MAD1L1: variants seen among roughly 807,000 people sequenced by gnomAD.
The protein encoded by MAD1L1 is mitotic arrest deficient 1 like 1, also known as mitotic spindle assembly checkpoint protein MAD1.
Under a neutral mutation model 96.9 loss-of-function variants are expected in MAD1L1, and 95 were observed. The ratio of observed to expected loss-of-function variants is 0.98; its 90% confidence interval spans 0.83 to 1.16. The LOEUF is 1.16. Ranked by LOEUF, MAD1L1 falls within the 50% of genes most tolerant of loss-of-function variation. The pLI is 0.00. For synonymous variants in MAD1L1, 473 were observed against 396.6 expected (o/e 1.19, Z -2.29); for missense variants, 1,007 against 954.4 (o/e 1.06, Z -0.73).
chr7:1,998,882 C>T (rs111997751), intron 14 of MAD1L1, among the ~76,000 whole-genome samples: 1,807 of 150,760 alleles, frequency 0.012, 23 homozygotes, highest in Non-Finnish European at 0.017. Context: ...CCACAGAGTC[C>T]CCTAACCCCA....
At chr7:2,169,374 T>C (rs1562750345) in intron 10 of MAD1L1, among the ~76,000 whole-genome samples, 2 of 152,038 alleles carry the variant, frequency 1.3e-5, no homozygotes, top group Non-Finnish European at 2.9e-5. Flanking sequence ...TGCAATAAAA[T>C]TAAGAAAAAA....
At chr7:2,097,927 T>G (rs1722649476) in intron 11 of MAD1L1, among the ~76,000 whole-genome samples, 1 of 152,206 alleles carries the variant, frequency 6.6e-6, no homozygotes, top group Non-Finnish European at 1.5e-5. Context: ...TGCTGTAGGC[T>G]TCTGCACTCA....
intron 12 of MAD1L1, among the ~76,000 whole-genome samples, chr7:2,059,435 G>C (rs1784536123): frequency 6.7e-6 from 1 of 149,234 alleles, no homozygotes; most frequent in Admixed American, 6.7e-5. Flanking sequence ...CGGGGTTGGA[G>C]AGGCAGCGTG....
chr7:2,076,178 G>A (rs1428478717), intron 11 of MAD1L1, among the ~76,000 whole-genome samples: 1 of 152,208 alleles, frequency 6.6e-6, no homozygotes, highest in Admixed American at 6.5e-5. Flanking sequence ...AGCCACGCCC[G>A]GGCCCAGGGC....
chr7:1,827,430 CGTCGCGGGTGTGGG>C (rs1782456839), intron 18 of MAD1L1, among the ~76,000 whole-genome samples: 6 of 138,194 alleles, frequency 4.3e-5, no homozygotes, highest in Admixed American at 2.2e-4. Flanking sequence ...CTCCTGAGCC[CGTCGCGGGTGTGGG>C]GTCCTCCCCT....
At chr7:2,147,097 C>G (rs1215466530) in intron 11 of MAD1L1, among the ~76,000 whole-genome samples, 1 of 152,220 alleles carries the variant, frequency 6.6e-6, no homozygotes, top group Non-Finnish European at 1.5e-5. Flanking sequence ...AGCACTGAGA[C>G]CCGGGGACGG....
intron 18 of MAD1L1, among the ~76,000 whole-genome samples, chr7:1,895,206 G>A (rs1786789771): frequency 6.6e-6 from 1 of 152,218 alleles, no homozygotes; most frequent in African/African-American, 2.4e-5. Flanking sequence ...GCTTCTTCCT[G>A]CGGGGACTTC....
chr7:2,136,941 T>C (rs1330553331), intron 11 of MAD1L1, among the ~76,000 whole-genome samples: 1 of 152,116 alleles, frequency 6.6e-6, no homozygotes, highest in Non-Finnish European at 1.5e-5. Flanking sequence ...AAGAAAAGCG[T>C]TCATAAGAGG....
intron 18 of MAD1L1, among the ~76,000 whole-genome samples, chr7:1,819,140 A>G (rs907334729): frequency 2.0e-5 from 3 of 152,142 alleles, no homozygotes; most frequent in African/African-American, 7.2e-5. Context: ...CCATGTTCAA[A>G]TATCACACAG....
chr7:1,978,799 G>A (rs977677077), intron 15 of MAD1L1, among the ~76,000 whole-genome samples: 27 of 152,228 alleles, frequency 1.8e-4, no homozygotes, highest in African/African-American at 5.5e-4. Flanking sequence ...GACGGAGAGC[G>A]CGTCGGGGCC....
intron 18 of MAD1L1, among the ~76,000 whole-genome samples, chr7:1,824,232 G>GC (rs977438888): frequency 1.6e-4 from 25 of 152,276 alleles, no homozygotes; most frequent in African/African-American, 5.5e-4. Context: ...TACACCACCT[G>GC]CTTGTGCGGG....
intron 12 of MAD1L1, among the ~76,000 whole-genome samples, chr7:2,024,230 C>T (rs1028069733): frequency 7.9e-5 from 12 of 152,144 alleles, no homozygotes; most frequent in Non-Finnish European, 1.3e-4. Context: ...AGCAACTCTA[C>T]GCCCAGAAAT....
intron 12 of MAD1L1, among the ~76,000 whole-genome samples, chr7:2,020,495 C>T (rs974303793): frequency 1.3e-5 from 2 of 152,232 alleles, no homozygotes; most frequent in African/African-American, 4.8e-5. Context: ...GGGGGACGCC[C>T]GGCCCTGACA....
chr7:2,217,972 T>C lies in MAD1L1; in HGVS notation c.668A>G (p.Gln223Arg). The C allele has an allele frequency of 1.2e-6, 2 of 1,613,758 alleles. No homozygotes were observed. Among genetic ancestry groups the C allele is most frequent in the Non-Finnish European group, 1.7e-6 (2 of 1,179,632 alleles). The change falls in exon 7 of 19, where the codon CAG becomes CGG. Residue 223 changes from glutamine to arginine, a missense_variant. Gln to Arg is a conservative substitution (Grantham distance 43). Transcript: ENST00000265854. Reference sequence around the variant, plus strand: ...CAGGGAGTGACTCACCTTAATCTGCTGCTCGTGGTCTGCTCTTGCTTCTTG... The same window carrying C: ...CAGGGAGTGACTCACCTTAATCTGCCGCTCGTGGTCTGCTCTTGCTTCTTG... ...ASQEARADHE[Q>R]QIKDLEQKLS...
intron 16 of MAD1L1, among the ~76,000 whole-genome samples, chr7:1,956,363 T>C (rs1779728713): frequency 6.6e-6 from 1 of 152,176 alleles, no homozygotes; most frequent in Non-Finnish European, 1.5e-5. Context: ...CTGCACTTGC[T>C]TCTCCCACGC....
At chr7:2,013,171 T>C (rs1429019370) in intron 13 of MAD1L1, among the ~76,000 whole-genome samples, 1 of 152,244 alleles carries the variant, frequency 6.6e-6, no homozygotes, top group Non-Finnish European at 1.5e-5. Context: ...GCAGCCCGGC[T>C]GGAAGGTGGC....
chr7:2,173,358 C>T (rs2128596320), intron 10 of MAD1L1, among the ~76,000 whole-genome samples: 1 of 152,258 alleles, frequency 6.6e-6, no homozygotes. Flanking sequence ...CCGCGTCTGG[C>T]TGAGCCCCGC....
rs1786896778 is a variant in MAD1L1, at chr7:2,103,040, C to CCTGGGTCAGCG, written c.1074-33713_1074-33703dup. Among the ~76,000 whole-genome samples, 1 of 152,226 alleles carries CCTGGGTCAGCG rather than the reference C, an allele frequency of 6.6e-6. No homozygotes were observed. The highest frequency in any genetic ancestry group is 1.5e-5 in the Non-Finnish European group (1 of 68,046). On this transcript the variant is annotated intron_variant, in intron 11 of 18. Coordinates refer to ENST00000265854, the MANE Select transcript of MAD1L1 (RefSeq NM_001013836.2). The surrounding 1 kb of genome is among the most constrained non-coding windows in gnomAD (Gnocchi z 4.3). Reference sequence around the variant, plus strand: ...GGCAGCCTCCGTGATGCTGCCAACACCTGGGTCAGCGCTGGGTCAGGCCTG... The same window carrying CCTGGGTCAGCG: ...GGCAGCCTCCGTGATGCTGCCAACACCTGGGTCAGCGCTGGGTCAGCGCTGGGTCAGGCCTG...
At chr7:1,821,538 G>A (rs1782125723) in intron 18 of MAD1L1, among the ~76,000 whole-genome samples, 1 of 152,024 alleles carries the variant, frequency 6.6e-6, no homozygotes, top group Admixed American at 6.6e-5. Flanking sequence ...TACTCAACAA[G>A]GACTAACAAA....
Sources: gnomAD v4.1 joint callset for allele counts (sites outside exome capture counted in the v4.1 genomes callset) on GRCh38, gnomAD v4.1.1 for gene constraint, Gnocchi (gnomAD v3.1) non-coding constraint, MANE v1.5 for transcripts, NCBI Gene and HGNC (gene_info 2026-07-23, HGNC 2026-07-21) for gene names.